The following WDR87 variants were observed in gnomAD, a reference collection of about 807,000 sequenced individuals.
WDR87 encodes the protein WD repeat-containing protein 87.
A neutral mutation model predicts 83.3 loss-of-function variants in WDR87; 56 were observed. The ratio of observed to expected loss-of-function variants is 0.67; its 90% CI spans 0.54 to 0.84. The LOEUF is 0.84. WDR87 is among the 40% of genes least tolerant of loss of function. The pLI, the probability that WDR87 is intolerant of heterozygous loss-of-function variation, is 0.00. For synonymous variants in WDR87, 1,173 were observed against 1,250.6 expected, an observed-to-expected ratio of 0.94 and a Z score of 1.31; for missense variants, 2,939 against 3,431.9, an observed-to-expected ratio of 0.86 and a Z score of 3.59.
intron 4 of WDR87, among the ~76,000 whole-genome samples, chr19:37,892,129 C>T (rs2046211253): frequency 1.3e-5 from 2 of 152,112 alleles, no homozygotes; most frequent in Non-Finnish European, 2.9e-5. Context: ...GTGGCTCATG[C>T]CTGTACTCCT....
chr19:37,895,608 A>C (rs1203173621), intron 3 of WDR87, among the ~76,000 whole-genome samples, 152 bp from the exon 4 acceptor site: 2 of 151,888 alleles, frequency 1.3e-5, no homozygotes, highest in Non-Finnish European at 2.9e-5. Context: ...TCTCTACTAA[A>C]AATACAAAAA....
chr19:37,898,381 CCTT>C, intron 1 of WDR87, 96 bp from the exon 2 acceptor site: 4 of 1,418,610 alleles, frequency 2.8e-6, no homozygotes, highest in Non-Finnish European at 3.7e-6. Flanking sequence ...TTATTGAACA[CCTT>C]CTGAAAGTCA....
At chr19:37,899,723 C>A (rs538118372) in intron 1 of WDR87, among the ~76,000 whole-genome samples, 3 of 152,136 alleles carry the variant, frequency 2.0e-5, no homozygotes, top group Non-Finnish European at 4.4e-5. Flanking sequence ...GCTGGGATTT[C>A]GGGCATGAGC....
At chr19:37,895,597 A>ATTTG (rs2046248667) in intron 3 of WDR87, 141 bp from the exon 4 acceptor site, 1 of 711,900 alleles carries the variant, frequency 1.4e-6, no homozygotes, top group Non-Finnish European at 2.3e-6. Flanking sequence ...GTGAAACCCC[A>ATTTG]TCTCTACTAA....
chr19:37,894,181 C>A lies in WDR87; in HGVS notation c.1522G>T (p.Ala508Ser), dbSNP rs1193470291. The A allele has an allele frequency of 6.4e-7, 1 of 1,552,266 alleles. No homozygotes were observed. Among genetic ancestry groups the A allele is most frequent in the Non-Finnish European group, 8.7e-7 (1 of 1,147,144 alleles). The change falls in exon 4 of 6, where the codon GCA (alanine) becomes TCA (serine). Residue 508 changes from alanine (A) to serine (S), a missense_variant. Coordinates refer to ENST00000447313, the MANE Select transcript of WDR87 (RefSeq NM_001291088.2). ...ATCCCTCCAGACAGCGTGGAGAGTGCCAGTACAGCGCCAAAGTGCATGAAT... is the reference window on the plus strand; with the variant it reads ...ATCCCTCCAGACAGCGTGGAGAGTGACAGTACAGCGCCAAAGTGCATGAAT... The part of the protein sequence containing the change: ...EKFMHFGAVL[A>S]LSTLSGGIFG...
chr19:37,902,444 C>T (rs1265901582), intron 1 of WDR87, among the ~76,000 whole-genome samples: 1 of 152,098 alleles, frequency 6.6e-6, no homozygotes, highest in African/African-American at 2.4e-5. Context: ...TCTCGAACTT[C>T]TGACCTCAGG....
At chr19:37,890,824 T>A (rs2046198741) in intron 5 of WDR87, among the ~76,000 whole-genome samples, 1 of 152,220 alleles carries the variant, frequency 6.6e-6, no homozygotes, top group Non-Finnish European at 1.5e-5. Context: ...AATGTGCTCT[T>A]TTGTGTTTGC....
At chr19:37,891,506 G>A (rs1007494214) in intron 5 of WDR87, 46 bp downstream of exon 5, 1 of 1,542,228 alleles carries the variant, frequency 6.5e-7, no homozygotes, top group Admixed American at 2.0e-5. Context: ...TAACTACCCT[G>A]CCTCTTGGGG....
intron 4 of WDR87, 23 bp from the exon 5 acceptor site, chr19:37,891,843 A>C (rs1599763092): frequency 6.5e-7 from 1 of 1,548,074 alleles, no homozygotes; most frequent in Non-Finnish European, 8.7e-7. Context: ...AAGGAGAAGA[A>C]GGACTATGCT....
chr19:37,891,542 C>G lies in WDR87; in HGVS notation c.3394+10G>C. On this transcript the variant is annotated intron_variant, in intron 5 of 5. Coordinates refer to ENST00000447313, the MANE Select transcript of WDR87 (RefSeq NM_001291088.2). ...ACCCTGAGGCACAGACCAGATTACC[C>G]CTTACATACTATGCTTTTTGACCCC... 6.4e-7 allele frequency: 1 copy of G among 1,551,916 alleles called. No individual in the cohort carries two copies. The highest frequency in any genetic ancestry group is 2.4e-5 in the East Asian group (1 of 40,912).
At position 37,889,626 on chromosome 19, in the gene WDR87, C is replaced by T. The variant is rs1354471385; in HGVS notation, c.4045G>A (p.Val1349Ile). 1.8e-5 allele frequency: 28 copies of T among 1,551,762 alleles called. No homozygotes were observed. The highest frequency in any genetic ancestry group is 3.9e-5 in the Admixed American group (2 of 50,978). The change falls in exon 6 of 6, where the codon GTC becomes ATC. Residue 1349 changes from valine to isoleucine, a missense_variant. By Grantham distance (29) the Val-to-Ile change is conservative. Coordinates refer to ENST00000447313, the MANE Select transcript of WDR87 (RefSeq NM_001291088.2). ...AAAATTGGTTTCTTCTCTGGCGGGA[C>T]TACATCCCAATCAAGGTCCTCAAGC... ...VLLEDLDWDV[V>I]PPEKKPIFIQ...
chr19:37,893,662 C>T lies in WDR87; in HGVS notation c.2041G>A (p.Ala681Thr), dbSNP rs754593338. ...LVSCLKLLPPALLTRLSFMSI... is the reference protein window; with the variant it reads ...LVSCLKLLPPTLLTRLSFMSI... ...ATAAAGGAAAGGCGAGTCAGCAGGG[C>T]TGGGGGAAGCAATTTTAAACAGGAC... Residue 681 changes from alanine (A) to threonine (T), a missense_variant, in exon 4 of 6, where the codon GCC (alanine) becomes ACC (threonine). By Grantham distance (58) the Ala-to-Thr change is moderately conservative (BLOSUM62 0). Transcript: ENST00000447313. 1 of 1,552,106 alleles carries T rather than the reference C, an allele frequency of 6.4e-7. No individual in the cohort carries two copies. Among genetic ancestry groups the T allele is most frequent in the South Asian group, 1.2e-5 (1 of 84,060 alleles).
In WDR87 at chr19:37,890,015, T is replaced by C; in HGVS notation, c.3656A>G (p.Asp1219Gly). Residue 1219 changes from aspartate to glycine, a missense_variant, in exon 6 of 6, where the codon GAC becomes GGC. This residue lies in a region of WDR87 where 2,160 missense variants were observed against 2,533.1 expected (regional missense o/e 0.85). Transcript: ENST00000447313. Reference protein sequence around the residue: ...KRLQKIRDKRDKKATAQKLKK... With the variant: ...KRLQKIRDKRGKKATAQKLKK... Reference sequence around the variant, plus strand: ...GAGTTTCTGAGCTGTTGCTTTCTTGTCTCTTTTGTCACGTATTTTCTGCAG... The same window carrying C: ...GAGTTTCTGAGCTGTTGCTTTCTTGCCTCTTTTGTCACGTATTTTCTGCAG... The C allele has an allele frequency of 6.4e-7, 1 of 1,551,718 alleles. No homozygotes were observed. Among genetic ancestry groups the C allele is most frequent in the Non-Finnish European group, 8.7e-7 (1 of 1,147,012 alleles).
upstream of WDR87, chr19:37,906,685 GGCGCGCGCCCGGCGCGAGAAC>G (rs1342239728): frequency 3.4e-4 from 51 of 150,736 alleles, no homozygotes; most frequent in South Asian, 8.3e-4. Context: ...CGTGCGCATG[GGCGCGCGCCCGGCGCGAGAAC>G]GCGCGCGCGC....
chr19:37,889,650 G>T lies in WDR87; in HGVS notation c.4021C>A (p.Leu1341Ile). ...PLLKKESKVL[L>I]EDLDWDVVPP... is the part of the protein sequence containing the mutation. ...ACTACATCCCAATCAAGGTCCTCAA[G>T]CAGAACCTTACTTTCTTTCTTCAAT... Residue 1341 changes from leucine (L) to isoleucine (I), a missense_variant, in exon 6 of 6, where the codon CTT becomes ATT. Around this residue, in one of 3 missense-constraint regions of WDR87, gnomAD observed 2,160 missense variants for 2,533.1 expected, o/e 0.85. Transcript: ENST00000447313. 6.4e-7 allele frequency: 1 copy of T among 1,551,836 alleles called. No homozygotes were observed. The highest frequency in any genetic ancestry group is 8.7e-7 in the Non-Finnish European group (1 of 1,147,048).
rs749287287 is a variant in WDR87 at position 37,887,227 on chromosome 19, G to C, written c.6444C>G (p.Arg2148=). ...KMKRALFVKE[R]RLSIEQSKLD... ...GCTTACTCTGTTCTATACTCAACCT[G>C]CGCTCCTTAACAAAGAGTGCCCTCT... Residue 2148 remains arginine, a synonymous_variant, in exon 6 of 6, where the codon CGC becomes CGG. Transcript: ENST00000447313. 1.3e-6 allele frequency: 2 copies of C among 1,551,738 alleles called. No individual in the cohort carries two copies. The highest frequency in any genetic ancestry group is 1.7e-6 in the Non-Finnish European group (2 of 1,147,022).
In WDR87 at chr19:37,898,296, C is replaced by T; in HGVS notation, c.-46-11G>A. The T allele has an allele frequency of 6.5e-7, 1 of 1,533,874 alleles. No homozygotes were observed. The highest frequency in any genetic ancestry group is 1.4e-5 in the African/African-American group (1 of 72,292). ...CTGTTGCTTAAAAACCTGTGGGAAT[C>T]CAAAAGAGCCCAGCTTAGTCACTGC... On this transcript the variant is annotated splice_polypyrimidine_tract_variant and intron_variant, in intron 1 of 5. Coordinates refer to ENST00000447313, the MANE Select transcript of WDR87 (RefSeq NM_001291088.2).
Position 37,891,636 on chromosome 19 carries a change from G to T in WDR87, c.3310C>A (p.Pro1104Thr). 6.4e-7 allele frequency: 1 copy of T among 1,551,910 alleles called. No homozygotes were observed. Among genetic ancestry groups the T allele is most frequent in the Non-Finnish European group, 8.7e-7 (1 of 1,147,048 alleles). The stretch of plus-strand genomic sequence containing the variant: ...TCAGATTCTTCAGAAACTGTAGGAG[G>T]TTTCAGGGAGGATTTAAGTTCAGAA... Reference protein sequence around the residue: ...MPSELKSSLKPPTVSEESEVA... With the variant: ...MPSELKSSLKTPTVSEESEVA... Residue 1104 changes from proline (P) to threonine (T), a missense_variant, in exon 5 of 6, where the codon CCT becomes ACT. Coordinates refer to ENST00000447313, the MANE Select transcript of WDR87 (RefSeq NM_001291088.2).
At position 37,903,289 on chromosome 19, in the gene WDR87, A is replaced by G. The variant is rs142421595; in HGVS notation, c.-47+3210T>C. ...AATGACATTACTGATAAGGAGCCCA[A>G]GTTTGTCCCCAGGGCCTGGGAGTGC... On this transcript the variant is annotated intron_variant, in intron 1 of 5. Transcript: ENST00000447313. Among the ~76,000 whole-genome samples, 61 of 152,344 alleles carry G rather than the reference A, an allele frequency of 4.0e-4. 1 individual carries two copies. Among genetic ancestry groups the G allele is most frequent in the African/African-American group, 1.5e-3 (61 of 41,586 alleles).
Sources: gnomAD v4.1 joint callset for allele counts (sites outside exome capture counted in the v4.1 genomes callset) on GRCh38, gnomAD v4.1.1 for gene constraint, gnomAD v4.1.1 regional missense constraint, MANE v1.5 for transcripts, NCBI Gene and HGNC (gene_info 2026-07-23, HGNC 2026-07-21) for gene names.